Variants in DCDC2C observed in about 807,000 individuals in gnomAD.
DCDC2C encodes the protein doublecortin domain-containing protein 2C.
In DCDC2C, 44 loss-of-function variants were observed where a neutral mutation model predicts 45.0. The ratio of observed to expected loss-of-function variants is 0.98; its 90% CI spans 0.77 to 1.26. The LOEUF (loss-of-function observed/expected upper bound fraction) is 1.26. Ranked by LOEUF, DCDC2C falls within the 50% of genes most tolerant of loss-of-function variation. DCDC2C has a pLI of 0.00. For missense variants in DCDC2C, 447 were observed against 468.9 expected (o/e 0.95, Z 0.43); for synonymous variants, 187 against 178.8 (o/e 1.05, Z -0.37).
intron 10 of DCDC2C, among the ~76,000 whole-genome samples, chr2:3,792,276 G>A (rs1387352343): frequency 3.3e-5 from 5 of 152,276 alleles, no homozygotes; most frequent in South Asian, 4.1e-4. Flanking sequence ...TAGTTCAGCC[G>A]GATGGTCTTC....
rs79575706 is a variant in DCDC2C at position 3,721,676 on chromosome 2, A to T, written c.340-5327A>T. Among the ~76,000 whole-genome samples, 303 of 152,306 alleles carry T rather than the reference A, an allele frequency of 2.0e-3. 5 individuals carry two copies. In the East Asian group the frequency reaches 0.047, roughly 24 times the overall value. On this transcript the variant is annotated intron_variant, in intron 2 of 10. Transcript: ENST00000399143. Reference sequence around the variant, plus strand: ...CCGTGGGAAGAACTCCCACAATTGAATTGTAACTCTTAAAATTCCTATGTG... The same window carrying T: ...CCGTGGGAAGAACTCCCACAATTGATTTGTAACTCTTAAAATTCCTATGTG...
intron 3 of DCDC2C, among the ~76,000 whole-genome samples, chr2:3,739,775 T>C (rs1024497566): frequency 1.3e-5 from 2 of 152,242 alleles, no homozygotes; most frequent in Admixed American, 1.3e-4. Context: ...CCCTTTGTTC[T>C]TGCAACAAGG....
At chr2:3,748,589 T>G (rs1669443333) in intron 4 of DCDC2C, among the ~76,000 whole-genome samples, 2 of 152,198 alleles carry the variant, frequency 1.3e-5, no homozygotes, top group South Asian at 4.2e-4. Context: ...TGCGCCAGGC[T>G]GGATATGTGA....
chr2:3,769,412 G>A lies in DCDC2C; in HGVS notation c.954+1G>A. On this transcript the variant is annotated splice_donor_variant, in intron 8 of 10. Coordinates refer to ENST00000399143, the MANE Select transcript of DCDC2C (RefSeq NM_001287444.2). LOFTEE classifies it high-confidence loss of function. ...GCAGCTGGAGGTGCCTGTGGACCAGGTGGGTGTCCGGGGTCCGATGTCCAT... is the reference window on the plus strand; with the variant it reads ...GCAGCTGGAGGTGCCTGTGGACCAGATGGGTGTCCGGGGTCCGATGTCCAT... 6.5e-7 allele frequency: 1 copy of A among 1,550,180 alleles called. No homozygotes were observed. The highest frequency in any genetic ancestry group is 1.4e-5 in the African/African-American group (1 of 73,178).
chr2:3,787,144 C>T (rs534771215), intron 10 of DCDC2C, among the ~76,000 whole-genome samples: 15 of 152,210 alleles, frequency 9.9e-5, no homozygotes, highest in African/African-American at 3.6e-4. Flanking sequence ...TAGTGATGTC[C>T]CTGAAGGAAA....
intron 10 of DCDC2C, among the ~76,000 whole-genome samples, chr2:3,785,703 A>G (rs11901796): frequency 0.041 from 6,307 of 152,250 alleles, 443 homozygotes; most frequent in African/African-American, 0.14. Context: ...CTGAGTTGGT[A>G]GATGACTAAG....
At chr2:3,748,634 C>G (rs1413442174) in intron 4 of DCDC2C, among the ~76,000 whole-genome samples, 1 of 152,114 alleles carries the variant, frequency 6.6e-6, no homozygotes, top group Non-Finnish European at 1.5e-5. Flanking sequence ...GCTGGAGAAA[C>G]AGACACACAA....
intron 6 of DCDC2C, among the ~76,000 whole-genome samples, chr2:3,766,630 C>CATA (rs1670019229): frequency 6.6e-6 from 1 of 152,072 alleles, no homozygotes; most frequent in Non-Finnish European, 1.5e-5. Flanking sequence ...GATTGAAAAC[C>CATA]TGGCAGTTTG....
At chr2:3,777,663 A>T (rs1473765555) in intron 8 of DCDC2C, among the ~76,000 whole-genome samples, 1 of 152,216 alleles carries the variant, frequency 6.6e-6, no homozygotes, top group Non-Finnish European at 1.5e-5. Flanking sequence ...CTATAGGAAG[A>T]TAATGCTCAT....
At chr2:3,713,971 T>A (rs1668286274) in intron 2 of DCDC2C, among the ~76,000 whole-genome samples, 1 of 152,228 alleles carries the variant, frequency 6.6e-6, no homozygotes, top group African/African-American at 2.4e-5. Flanking sequence ...AAATTAAATG[T>A]GGCATAAGCT....
intron 6 of DCDC2C, among the ~76,000 whole-genome samples, chr2:3,766,137 G>T (rs1572599154): frequency 6.6e-6 from 1 of 152,064 alleles, no homozygotes; most frequent in Admixed American, 6.5e-5. Context: ...CCGGGGTGGT[G>T]GGGGCTGGGT....
intron 3 of DCDC2C, among the ~76,000 whole-genome samples, chr2:3,728,425 A>G (rs1668760979): frequency 6.6e-6 from 1 of 152,246 alleles, no homozygotes; most frequent in Admixed American, 6.5e-5. Context: ...CCCGCAGAAC[A>G]TACAGCAACC....
intron 3 of DCDC2C, among the ~76,000 whole-genome samples, chr2:3,731,427 CCA>C (rs1336852072): frequency 1.3e-5 from 2 of 152,178 alleles, no homozygotes; most frequent in African/African-American, 4.8e-5. Context: ...TGTCTTATGA[CCA>C]CACACACAAT....
intron 10 of DCDC2C, among the ~76,000 whole-genome samples, chr2:3,829,060 G>C (rs181967815): frequency 1.9e-4 from 29 of 152,132 alleles, no homozygotes; most frequent in Admixed American, 6.5e-4. Context: ...ACTTTGCTTC[G>C]AAGTGTTCAC....
At chr2:3,754,542 A>C in intron 5 of DCDC2C, 50 bp from the exon 6 acceptor site, 1 of 1,537,070 alleles carries the variant, frequency 6.5e-7, no homozygotes, top group South Asian at 1.2e-5. Flanking sequence ...TTATAGAGAT[A>C]ACTTAGGGCC....
chr2:3,812,879 T>A (rs1671436356), intron 10 of DCDC2C, among the ~76,000 whole-genome samples: 1 of 151,938 alleles, frequency 6.6e-6, no homozygotes, highest in South Asian at 2.1e-4. Flanking sequence ...TTCCATGTAT[T>A]TGTGTGCTTT....
chr2:3,719,930 G>C (rs1668448295), intron 2 of DCDC2C, among the ~76,000 whole-genome samples: 2 of 152,216 alleles, frequency 1.3e-5, no homozygotes, highest in Admixed American at 6.5e-5. Context: ...GGATGCTGCA[G>C]GGTAAAGCAC....
chr2:3,800,183 C>T (rs1671079682), intron 10 of DCDC2C, among the ~76,000 whole-genome samples: 1 of 152,200 alleles, frequency 6.6e-6, no homozygotes, highest in Non-Finnish European at 1.5e-5. Flanking sequence ...ACTCCCTGAC[C>T]CCTTGCGCTT....
At chr2:3,790,973 G>T (rs1670793097) in intron 10 of DCDC2C, among the ~76,000 whole-genome samples, 1 of 152,100 alleles carries the variant, frequency 6.6e-6, no homozygotes, top group African/African-American at 2.4e-5. Context: ...AGCCAGGCGT[G>T]GTGGTGGGCA....
Sources: gnomAD v4.1 joint callset for allele counts (sites outside exome capture counted in the v4.1 genomes callset) on GRCh38, gnomAD v4.1.1 for gene constraint, MANE v1.5 for transcripts, NCBI Gene and HGNC (gene_info 2026-07-23, HGNC 2026-07-21) for gene names.